Variants in CDH6 observed in about 807,000 individuals in gnomAD.
CDH6 encodes the protein cadherin 6, also known as cadherin-6.
CDH6 carries 31 observed loss-of-function variants against 78.0 expected under a neutral mutation model. That is an observed-to-expected ratio of 0.40 (90% CI 0.30 to 0.54). The LOEUF is 0.54. Among genes scored for constraint, CDH6 ranks in the 20% least tolerant of loss-of-function variants. CDH6 has a pLI of 0.56. For synonymous variants in CDH6, 376 were observed against 368.8 expected (o/e 1.02, Z -0.23); for missense variants, 724 against 975.9 (o/e 0.74, Z 3.44).
chr5:31,255,953 T>A (rs924077637), intron 1 of CDH6, among the ~76,000 whole-genome samples: 1 of 152,214 alleles, frequency 6.6e-6, no homozygotes, highest in African/African-American at 2.4e-5. Context: ...AATACTGCTA[T>A]CCTTTTGGGG....
chr5:31,326,485 G>A lies in CDH6; in HGVS notation c.*3177G>A, dbSNP rs1738626522. 1 of 197,460 alleles carries A rather than the reference G, an allele frequency of 5.1e-6. No homozygotes were observed. The highest frequency in any genetic ancestry group is 6.1e-5 in the Admixed American group (1 of 16,484). 12.2% of individuals were successfully genotyped at this position (197,460 alleles called of 1,614,324 possible). A position where few individuals can be genotyped will look rare whatever the true frequency, so the allele number is the denominator to read the frequency against. On this transcript the variant is annotated 3_prime_UTR_variant, in exon 12 of 12. Transcript: ENST00000265071. ...TCCATAGAACCACAAGAGAGGGAAT[G>A]TGGGCACAGTAAATAGATGTTTCTT... is the stretch of plus-strand genomic sequence containing the variant.
At position 31,317,860 on chromosome 5, in the gene CDH6, C is replaced by T; in HGVS notation, c.1818C>T (p.Ile606=). 6.2e-7 allele frequency: 1 copy of T among 1,614,034 alleles called. No individual in the cohort carries two copies. Residue 606 remains isoleucine (I), a synonymous_variant, in exon 11 of 12, where the codon ATC becomes ATT. Transcript: ENST00000265071. ...NMQSCHAEAL[I]HPTGLSTGAL... The stretch of plus-strand genomic sequence containing the variant: ...AATCCTGCCATGCGGAGGCGCTCAT[C>T]CACCCCACGGGACTGAGCACGGGGG...
chr5:31,299,600 T>C lies in CDH6; in HGVS notation c.780T>C (p.Asp260=). 2 of 1,613,844 alleles carry C rather than the reference T, an allele frequency of 1.2e-6. No individual in the cohort carries two copies. The highest frequency in any genetic ancestry group is 1.7e-6 in the Non-Finnish European group (2 of 1,179,796). Residue 260 remains aspartate, a synonymous_variant, in exon 5 of 12, where the codon GAT becomes GAC. Transcript: ENST00000265071. ...GTTTVNITLT[D]VNDNPPRFPQ... ...CCACCGTGAACATCACACTGACTGA[T>C]GTCAACGACAACCCTCCCCGATTCC...
intron 1 of CDH6, among the ~76,000 whole-genome samples, chr5:31,225,124 A>G (rs1364272679): frequency 6.6e-6 from 1 of 152,204 alleles, no homozygotes. Flanking sequence ...CCCAAATGCA[A>G]ATAGTGCTGA....
At chr5:31,199,683 G>GTATATATATA (rs1369706220) in intron 1 of CDH6, among the ~76,000 whole-genome samples, 77 of 59,662 alleles carry the variant, frequency 1.3e-3, no homozygotes, top group South Asian at 2.0e-3. Flanking sequence ...GTGTGTGTGT[G>GTATATATATA]TGTATATATA....
intron 1 of CDH6, among the ~76,000 whole-genome samples, chr5:31,228,023 G>A (rs567062883): frequency 6.6e-6 from 1 of 152,310 alleles, no homozygotes; most frequent in East Asian, 1.9e-4. Context: ...TCTTTCTACA[G>A]GCTCTAGAGG....
Position 31,206,377 on chromosome 5 carries a change from T to C in CDH6, c.-129+12491T>C, listed in dbSNP as rs146129202. 2.4e-4 allele frequency among the ~76,000 whole-genome samples: 37 copies of C among 152,262 alleles called. 1 individual carries two copies. In the East Asian group the frequency reaches 6.6e-3, roughly 27 times the overall value. ...ATTTTCTTTTTCATCCTTCAGTGAG[T>C]GTACCAGTATATTCTATAACAAGTG... On this transcript the variant is annotated intron_variant, in intron 1 of 11. Coordinates refer to ENST00000265071, the MANE Select transcript of CDH6 (RefSeq NM_004932.4).
rs553660960 is a variant in CDH6, at chr5:31,325,190, A to G, written c.*1882A>G. The G allele has an allele frequency of 4.4e-6, 1 of 228,882 alleles. No homozygotes were observed. The highest frequency in any genetic ancestry group is 6.3e-5 in the East Asian group (1 of 15,976). The allele number at this position is 228,882 out of a possible 1,614,324, so 14.2% of individuals were successfully genotyped here. A position where few individuals can be genotyped will look rare whatever the true frequency, so the allele number is the denominator to read the frequency against. On this transcript the variant is annotated 3_prime_UTR_variant, in exon 12 of 12. Transcript: ENST00000265071. ...ATTAGAGTGAAAATTTTTTACAATC[A>G]TATTATTCCTTGTGTCTTCTGAATG... is the stretch of plus-strand genomic sequence containing the variant.
intron 7 of CDH6, among the ~76,000 whole-genome samples, chr5:31,308,646 A>G (rs2149955421): frequency 6.6e-6 from 1 of 152,246 alleles, no homozygotes; most frequent in Admixed American, 6.5e-5. Flanking sequence ...TAGATTTTCT[A>G]TTAATTTTTA....
intron 1 of CDH6, among the ~76,000 whole-genome samples, chr5:31,247,513 T>C (rs1454288221): frequency 6.6e-6 from 1 of 152,160 alleles, no homozygotes; most frequent in African/African-American, 2.4e-5. Flanking sequence ...CAAGAAAACA[T>C]CCAAGGATGC....
At chr5:31,291,811 T>C (rs1743171350) in intron 2 of CDH6, among the ~76,000 whole-genome samples, 1 of 152,244 alleles carries the variant, frequency 6.6e-6, no homozygotes, top group South Asian at 2.1e-4. Flanking sequence ...GCATATCCCA[T>C]CACTCAAATC....
intron 1 of CDH6, among the ~76,000 whole-genome samples, chr5:31,205,903 G>A (rs1740504800): frequency 6.6e-6 from 1 of 152,142 alleles, no homozygotes; most frequent in African/African-American, 2.4e-5. Context: ...TATCTTACAT[G>A]AGTTTAATGT....
intron 1 of CDH6, among the ~76,000 whole-genome samples, chr5:31,245,568 A>G (rs1184128588): frequency 2.0e-5 from 3 of 152,316 alleles, no homozygotes; most frequent in East Asian, 3.9e-4. Flanking sequence ...GCTGGCTAAC[A>G]GGGGACATTA....
At chr5:31,247,373 A>G (rs560720415) in intron 1 of CDH6, among the ~76,000 whole-genome samples, 6 of 152,354 alleles carry the variant, frequency 3.9e-5, no homozygotes, top group African/African-American at 1.2e-4. Flanking sequence ...ACTCATAAGT[A>G]AAGTAAAAAT....
At chr5:31,299,782 C>T (rs1737710639) in intron 5 of CDH6, 151 bp downstream of exon 5, 2 of 643,492 alleles carry the variant, frequency 3.1e-6, no homozygotes. Flanking sequence ...GACAACATGG[C>T]ATACACTCAG....
chr5:31,221,157 TC>T (rs1166670555), intron 1 of CDH6, among the ~76,000 whole-genome samples: 62 of 152,286 alleles, frequency 4.1e-4, no homozygotes, highest in Admixed American at 2.3e-3. Flanking sequence ...ATTGACGAAG[TC>T]CTTTGTCAAC....
intron 1 of CDH6, among the ~76,000 whole-genome samples, chr5:31,202,766 C>CATATATGTATATGTCACAT (rs2111778741): frequency 6.7e-6 from 1 of 149,330 alleles, no homozygotes; most frequent in South Asian, 2.1e-4. Flanking sequence ...CATATACACG[C>CATATATGTATATGTCACAT]ATATATGTAT....
At chr5:31,284,021 C>T (rs1355789236) in intron 2 of CDH6, among the ~76,000 whole-genome samples, 1 of 151,990 alleles carries the variant, frequency 6.6e-6, no homozygotes. Context: ...TGCCATGTTG[C>T]CCAGGCTGGT....
intron 2 of CDH6, among the ~76,000 whole-genome samples, chr5:31,283,118 T>C (rs1194342416): frequency 6.6e-6 from 1 of 152,166 alleles, no homozygotes; most frequent in African/African-American, 2.4e-5. Flanking sequence ...TGGAGACATT[T>C]TTGGCTGTCA....
Sources: gnomAD v4.1 joint callset for allele counts (sites outside exome capture counted in the v4.1 genomes callset) on GRCh38, gnomAD v4.1.1 for gene constraint, MANE v1.5 for transcripts, NCBI Gene and HGNC (gene_info 2026-07-23, HGNC 2026-07-21) for gene names.